MYO16: variants seen among roughly 807,000 people sequenced by gnomAD.
MYO16 encodes unconventional myosin-XVI.
A neutral mutation model predicts 205.3 loss-of-function variants in MYO16; 94 were observed. The ratio of observed to expected loss-of-function variants is 0.46; its 90% CI spans 0.39 to 0.54. MYO16 has a LOEUF of 0.54. Ranked by LOEUF, MYO16 falls within the 20% of genes least tolerant of loss-of-function variation. The pLI is 0.00. For synonymous variants in MYO16, 988 were observed against 954.0 expected (o/e 1.04, Z -0.66); for missense variants, 2,315 against 2,387.5 (o/e 0.97, Z 0.63).
intron 4 of MYO16, among the ~76,000 whole-genome samples, chr13:108,776,137 A>C (rs1886116798): frequency 6.6e-6 from 1 of 152,178 alleles, no homozygotes; most frequent in South Asian, 2.1e-4. Flanking sequence ...TCCAAATGCA[A>C]ATATTTTACA....
At position 109,149,458 on chromosome 13, in the gene MYO16, T is replaced by A. The variant is rs548109716; in HGVS notation, c.5164+8082T>A. ...CCATAATCACAAAAACTAATCAGTCTCAAAGTCAGGAATCAAACACATCTC... is the reference window on the plus strand; with the variant it reads ...CCATAATCACAAAAACTAATCAGTCACAAAGTCAGGAATCAAACACATCTC... On this transcript the variant is annotated intron_variant, in intron 32 of 34. Transcript: ENST00000457511. 4.6e-5 allele frequency among the ~76,000 whole-genome samples: 7 copies of A among 152,320 alleles called. No homozygotes were observed. The South Asian group carries it at 6.2e-4, about 14-fold the overall frequency.
At chr13:108,745,321 C>T (rs576853825) in intron 4 of MYO16, among the ~76,000 whole-genome samples, 24 of 152,200 alleles carry the variant, frequency 1.6e-4, no homozygotes, top group African/African-American at 5.5e-4. Flanking sequence ...TTAGGGGGCC[C>T]CACATTTTCC....
intron 16 of MYO16, among the ~76,000 whole-genome samples, chr13:108,953,416 T>C (rs912281801): frequency 2.6e-5 from 4 of 152,218 alleles, no homozygotes; most frequent in African/African-American, 9.6e-5. Context: ...TGTACATGCA[T>C]TGCAACCTGA....
chr13:108,627,589 A>G (rs528410724), upstream of MYO16, among the ~76,000 whole-genome samples: 2 of 152,294 alleles, frequency 1.3e-5, no homozygotes, highest in Non-Finnish European at 2.9e-5. Flanking sequence ...TGAAAAATAA[A>G]CACATTTGAT....
In MYO16 at chr13:109,194,511, T is replaced by C. The variant is rs555744484; in HGVS notation, c.5416-12098T>C. On this transcript the variant is annotated intron_variant, in intron 34 of 34. Transcript: ENST00000457511. ...AAATGTTTTAAGGATATAAATGATATCATGAAGATGATACTAGAAATGGGC... is the reference window on the plus strand; with the variant it reads ...AAATGTTTTAAGGATATAAATGATACCATGAAGATGATACTAGAAATGGGC... Among the ~76,000 whole-genome samples the C allele has an allele frequency of 5.3e-5, 8 of 152,206 alleles. No homozygotes were observed. The East Asian group carries it at 1.5e-3, about 29-fold the overall frequency.
intron 2 of MYO16, among the ~76,000 whole-genome samples, chr13:108,686,007 G>A (rs888796095): frequency 1.1e-4 from 17 of 152,318 alleles, no homozygotes; most frequent in South Asian, 8.3e-4. Flanking sequence ...TTCAGTGCAG[G>A]AATTTTGGGA....
At chr13:108,667,696 A>G (rs1277874308) in intron 2 of MYO16, among the ~76,000 whole-genome samples, 1 of 152,208 alleles carries the variant, frequency 6.6e-6, no homozygotes, top group East Asian at 1.9e-4. Context: ...AAACTTAAAT[A>G]AGAAAGCAGA....
intron 23 of MYO16, among the ~76,000 whole-genome samples, chr13:109,028,967 G>A (rs1886457539): frequency 6.6e-6 from 1 of 151,920 alleles, no homozygotes; most frequent in Admixed American, 6.6e-5. Flanking sequence ...AACTAAGTTT[G>A]AAATGTTCCT....
chr13:108,629,885 G>C lies in MYO16; in HGVS notation c.28+13G>C. ...TTTATCAAGTGCTGTAAGTAAGCTT[G>C]ATATCTTGCTCATGTGGTTATTTGT... On this transcript the variant is annotated intron_variant, in intron 1 of 34. Transcript: ENST00000457511. 1 of 1,521,730 alleles carries C rather than the reference G, an allele frequency of 6.6e-7. No homozygotes were observed. 94.3% of individuals were successfully genotyped at this position (1,521,730 alleles called of 1,614,324 possible). A position where few individuals can be genotyped will look rare whatever the true frequency, so the allele number is the denominator to read the frequency against.
At chr13:108,930,571 C>T (rs1882210849) in intron 16 of MYO16, among the ~76,000 whole-genome samples, 1 of 152,102 alleles carries the variant, frequency 6.6e-6, no homozygotes, top group South Asian at 2.1e-4. Flanking sequence ...AACGTCACTT[C>T]CCAAATCTTA....
intron 2 of MYO16, among the ~76,000 whole-genome samples, chr13:108,711,257 T>A (rs979840707): frequency 6.6e-6 from 1 of 152,230 alleles, no homozygotes; most frequent in African/African-American, 2.4e-5. Flanking sequence ...GCTGTCAGGT[T>A]ACAGCTGATA....
intron 27 of MYO16, among the ~76,000 whole-genome samples, chr13:109,057,600 A>C (rs559236768): frequency 6.6e-6 from 1 of 152,050 alleles, no homozygotes; most frequent in Non-Finnish European, 1.5e-5. Flanking sequence ...CCCTCGGTGG[A>C]TATCCCTTCA....
At chr13:108,843,903 T>G (rs921039945) in intron 9 of MYO16, among the ~76,000 whole-genome samples, 1 of 152,094 alleles carries the variant, frequency 6.6e-6, no homozygotes, top group Admixed American at 6.6e-5. Context: ...AAACTTGAAG[T>G]TTTGCCCATG....
chr13:109,203,681 A>G (rs1880489865), intron 34 of MYO16, among the ~76,000 whole-genome samples: 1 of 152,200 alleles, frequency 6.6e-6, no homozygotes, highest in African/African-American at 2.4e-5. Context: ...CTGACTCTGC[A>G]GCCTTGTGCC....
the MYO16 span, among the ~76,000 whole-genome samples, chr13:108,541,475 A>G: frequency 6.6e-6 from 1 of 151,814 alleles, no homozygotes; most frequent in African/African-American, 2.4e-5. Flanking sequence ...ACACTATAAT[A>G]TTGAATAGAT....
chr13:108,855,538 G>A lies in MYO16; in HGVS notation c.1344G>A (p.Gly448=), dbSNP rs374118198. 4.4e-6 allele frequency: 7 copies of A among 1,587,860 alleles called. No individual in the cohort carries two copies. In the African/African-American group the frequency reaches 6.7e-5, roughly 15 times the overall value. The change falls in exon 11 of 35, where the codon GGG becomes GGA. Residue 448 remains glycine (G), a synonymous_variant. Coordinates refer to ENST00000457511, the MANE Select transcript of MYO16 (RefSeq NM_001198950.3). The stretch of plus-strand genomic sequence containing the variant: ...TCTATGAGATTCAGAAGCGCTTTGG[G>A]AACAATCAGATCTATGTGAGTGCCC... ...SLLYEIQKRF[G]NNQIYTFIGD...
At position 108,793,461 on chromosome 13, in the gene MYO16, C is replaced by G. The variant is rs201293853; in HGVS notation, c.617-55C>G. 3,433 of 1,572,750 alleles carry G rather than the reference C, an allele frequency of 2.2e-3. 11 individuals carry two copies. The highest frequency in any genetic ancestry group is 2.6e-3 in the South Asian group (223 of 86,836). ...AGGTTATAAAGCTAGGCTTTGACCC[C>G]CAGGAACTGAGAAGTATCTCTCCAT... On this transcript the variant is annotated intron_variant, in intron 5 of 34. Coordinates refer to ENST00000457511, the MANE Select transcript of MYO16 (RefSeq NM_001198950.3).
At chr13:108,799,777 T>C (rs1886912930) in intron 6 of MYO16, among the ~76,000 whole-genome samples, 1 of 152,064 alleles carries the variant, frequency 6.6e-6, no homozygotes, top group Admixed American at 6.5e-5. Flanking sequence ...GGGAAGTCCG[T>C]AGAAGGGAAG....
intron 32 of MYO16, among the ~76,000 whole-genome samples, chr13:109,161,212 A>C (rs532530901): frequency 6.6e-6 from 1 of 152,178 alleles, no homozygotes; most frequent in Admixed American, 6.5e-5. Context: ...CAGCTTTGCA[A>C]CCTACAGTTT....
Sources: gnomAD v4.1 joint callset for allele counts (sites outside exome capture counted in the v4.1 genomes callset) on GRCh38, gnomAD v4.1.1 for gene constraint, MANE v1.5 for transcripts, NCBI Gene and HGNC (gene_info 2026-07-23, HGNC 2026-07-21) for gene names.